Variants in SGTB observed in about 807,000 individuals in gnomAD.
SGTB encodes small glutamine rich tetratricopeptide repeat co-chaperone beta, also known as small glutamine-rich tetratricopeptide repeat-containing protein beta.
A neutral mutation model predicts 43.9 loss-of-function variants in SGTB; 19 were observed. The ratio of observed to expected loss-of-function variants is 0.43; its 90% CI spans 0.30 to 0.63. The LOEUF is 0.63. SGTB is among the 30% of genes least tolerant of loss of function. The probability of loss-of-function intolerance (pLI) is 0.12; values close to 1 mark genes in which losing one functional copy is unlikely to be tolerated. For missense variants in SGTB, 304 were observed against 358.9 expected (o/e 0.85, Z 1.24); for synonymous variants, 116 against 117.3 (o/e 0.99, Z 0.07).
chr5:65,699,527 AG>A (rs1314558118), intron 5 of SGTB, among the ~76,000 whole-genome samples: 1 of 152,226 alleles, frequency 6.6e-6, no homozygotes, highest in Non-Finnish European at 1.5e-5. Flanking sequence ...GTACCCCCAA[AG>A]CTACTGAAAT....
At position 65,720,760 on chromosome 5, in the gene SGTB, C is replaced by T; in HGVS notation, c.48G>A (p.Arg16=). 1 of 1,613,878 alleles carries T rather than the reference C, an allele frequency of 6.2e-7. No individual in the cohort carries two copies. Among genetic ancestry groups the T allele is most frequent in the Non-Finnish European group, 8.5e-7 (1 of 1,179,930 alleles). The change falls in exon 2 of 11, where the codon CGG becomes CGA. Residue 16 remains arginine (R), a synonymous_variant. Transcript: ENST00000381007. ...HLVYAVIRFL[R]EQSQMDTYTS... is the part of the protein sequence containing the mutation. Reference sequence around the variant, plus strand: ...TGTAAGTGTCCATCTGACTTTGTTCCCGTAAGAAACGAATAACTGCATAAA... The same window carrying T: ...TGTAAGTGTCCATCTGACTTTGTTCTCGTAAGAAACGAATAACTGCATAAA...
At chr5:65,704,035 CAAAAAAAAAA>C (rs11405488) in intron 5 of SGTB, among the ~76,000 whole-genome samples, 8,911 of 133,394 alleles carry the variant, frequency 0.067, 404 homozygotes, top group Middle Eastern at 0.11. Context: ...GACTCCGTCT[CAAAAAAAAAA>C]AAAAAAATAA....
Position 65,695,593 on chromosome 5 carries a change from C to G in SGTB, c.374+8686G>C, listed in dbSNP as rs539055308. On this transcript the variant is annotated intron_variant, in intron 5 of 10. Coordinates refer to ENST00000381007, the MANE Select transcript of SGTB (RefSeq NM_019072.3). ...CTAATGAAATTTCAGTGGAACAGTA[C>G]AGTCAGAGTCACATGTTTCCAGGCA... Among the ~76,000 whole-genome samples, 9 of 152,312 alleles carry G rather than the reference C, an allele frequency of 5.9e-5. No homozygotes were observed. The South Asian group carries it at 6.2e-4, about 11-fold the overall frequency.
At chr5:65,718,350 T>G (rs555090854) in intron 2 of SGTB, among the ~76,000 whole-genome samples, 1 of 152,256 alleles carries the variant, frequency 6.6e-6, no homozygotes, top group East Asian at 1.9e-4. Context: ...CACCCCCAAG[T>G]TGAGAACCAC....
At chr5:65,705,948 A>G (rs1451611644) in intron 4 of SGTB, among the ~76,000 whole-genome samples, 1 of 151,226 alleles carries the variant, frequency 6.6e-6, no homozygotes, top group Non-Finnish European at 1.5e-5. Context: ...AAGTGGGAGG[A>G]TTGCTTGAGC....
chr5:65,722,774 G>T (rs1758347912), upstream of SGTB: 1 of 247,286 alleles, frequency 4.0e-6, no homozygotes, highest in Admixed American at 5.8e-5. Flanking sequence ...TAAAAGTGCC[G>T]CAGCTGTGGA....
At chr5:65,705,682 A>G (rs546265752) in intron 4 of SGTB, among the ~76,000 whole-genome samples, 2 of 152,278 alleles carry the variant, frequency 1.3e-5, no homozygotes, top group South Asian at 4.1e-4. Flanking sequence ...TCAAAAATGA[A>G]TATAAAGGGT....
intron 2 of SGTB, among the ~76,000 whole-genome samples, chr5:65,715,183 T>G (rs911336233): frequency 8.5e-5 from 13 of 152,236 alleles, no homozygotes; most frequent in African/African-American, 3.1e-4. Context: ...AAACAGAGAT[T>G]ATTACATTTG....
rs1403240140 is a variant in SGTB, at chr5:65,670,230, T to G, written c.*16A>C. 6.2e-7 allele frequency: 1 copy of G among 1,610,518 alleles called. No individual in the cohort carries two copies. ...CCATAAACCATTTGTATCTTGGGCT[T>G]GAGCCCCTGGTTAAATCAGGAATGC... is the stretch of plus-strand genomic sequence containing the variant. On this transcript the variant is annotated 3_prime_UTR_variant, in exon 11 of 11. Coordinates refer to ENST00000381007, the MANE Select transcript of SGTB (RefSeq NM_019072.3).
At chr5:65,672,745 T>A (rs1013937293) in intron 8 of SGTB, among the ~76,000 whole-genome samples, 8 of 152,236 alleles carry the variant, frequency 5.3e-5, no homozygotes, top group African/African-American at 1.7e-4. Context: ...TAAAACATTC[T>A]ATTTTGAAAG....
At chr5:65,700,080 T>C (rs542788420) in intron 5 of SGTB, among the ~76,000 whole-genome samples, 3 of 152,302 alleles carry the variant, frequency 2.0e-5, no homozygotes, top group East Asian at 3.9e-4. Context: ...AAGCAAAATA[T>C]GAACTTAACA....
At chr5:65,714,577 G>A (rs1023301715) in intron 2 of SGTB, among the ~76,000 whole-genome samples, 9 of 152,178 alleles carry the variant, frequency 5.9e-5, no homozygotes, top group Admixed American at 1.3e-4. Context: ...CACTTTGGGA[G>A]GCTGAGGCAG....
Position 65,670,368 on chromosome 5 carries a change from G to A in SGTB, c.804-11C>T. ...GCAAACTGCTGTCCCCTGTAGTAAA[G>A]AGGCAATGTGGTTTGAATAGGGAAT... On this transcript the variant is annotated splice_polypyrimidine_tract_variant and intron_variant, in intron 10 of 10. Transcript: ENST00000381007. The A allele has an allele frequency of 6.2e-7, 1 of 1,609,700 alleles. No individual in the cohort carries two copies.
chr5:65,684,315 C>T (rs376211003), intron 6 of SGTB, among the ~76,000 whole-genome samples: 1 of 152,042 alleles, frequency 6.6e-6, no homozygotes, highest in East Asian at 1.9e-4. Flanking sequence ...AACTCCTGGG[C>T]TCAAGCATTT....
chr5:65,680,611 G>A, intron 7 of SGTB, 45 bp downstream of exon 7: 3 of 1,613,760 alleles, frequency 1.9e-6, no homozygotes, highest in Non-Finnish European at 2.5e-6. Context: ...ACAATAAATT[G>A]TGAATGACAG....
chr5:65,685,969 G>C lies in SGTB; in HGVS notation c.375-497C>G, dbSNP rs146774210. The stretch of plus-strand genomic sequence containing the variant: ...GCCAACTGTATTTTATTTCTTTCAG[G>C]CTCCCAGAAGTTCTCATAATCTTGT... On this transcript the variant is annotated intron_variant, in intron 5 of 10. Coordinates refer to ENST00000381007, the MANE Select transcript of SGTB (RefSeq NM_019072.3). Among the ~76,000 whole-genome samples, 320 of 152,192 alleles carry C rather than the reference G, an allele frequency of 2.1e-3. 2 individuals carry two copies. The highest frequency in any genetic ancestry group is 4.4e-3 in the Admixed American group (68 of 15,290).
chr5:65,708,382 T>C (rs1757978046), intron 4 of SGTB, 107 bp downstream of exon 4: 5 of 927,606 alleles, frequency 5.4e-6, no homozygotes, highest in Non-Finnish European at 3.2e-6. Flanking sequence ...TGTGCACTTA[T>C]GACAATCTAG....
At chr5:65,720,333 C>T (rs1028089841) in intron 2 of SGTB, among the ~76,000 whole-genome samples, 1 of 152,078 alleles carries the variant, frequency 6.6e-6, no homozygotes, top group Admixed American at 6.6e-5. Context: ...CTACCTGCCT[C>T]GGCCTCCCAA....
At chr5:65,673,489 A>G (rs563841307) in intron 8 of SGTB, among the ~76,000 whole-genome samples, 8 of 152,108 alleles carry the variant, frequency 5.3e-5, no homozygotes, top group South Asian at 2.1e-4. Flanking sequence ...CAAGAACCCT[A>G]TTGTGAACTG....
Sources: allele counts gnomAD v4.1 joint callset (sites outside exome capture counted in the v4.1 genomes callset), GRCh38; gene constraint gnomAD v4.1.1; transcripts MANE v1.5; gene names NCBI Gene and HGNC (gene_info 2026-07-23, HGNC 2026-07-21).